MAN1C1: variants seen among roughly 807,000 people sequenced by gnomAD.
MAN1C1 encodes the protein mannosidase alpha class 1C member 1.
Under a neutral mutation model 71.5 loss-of-function variants are expected in MAN1C1, and 49 were observed. That is an observed-to-expected ratio of 0.69 (90% CI 0.54 to 0.87). The LOEUF is 0.87. MAN1C1 is among the 40% of genes least tolerant of loss of function. The probability of loss-of-function intolerance (pLI) is 0.00; values close to 1 mark genes in which losing one functional copy is unlikely to be tolerated. For missense variants in MAN1C1, 743 were observed against 835.0 expected (o/e 0.89, Z 1.36); for synonymous variants, 352 against 343.7 (o/e 1.02, Z -0.27).
intron 2 of MAN1C1, among the ~76,000 whole-genome samples, chr1:25,703,320 G>A (rs1007344532): frequency 6.6e-6 from 1 of 152,224 alleles, no homozygotes; most frequent in African/African-American, 2.4e-5. Flanking sequence ...GGTGGCTGGA[G>A]AACAGCCCTG....
chr1:25,626,277 T>C (rs527495244), intron 1 of MAN1C1, among the ~76,000 whole-genome samples: 1 of 152,382 alleles, frequency 6.6e-6, no homozygotes, highest in South Asian at 2.1e-4. Context: ...AGTGATATTT[T>C]GTTGTGGCTT....
chr1:25,657,158 TCTC>T (rs1303465465), intron 1 of MAN1C1, among the ~76,000 whole-genome samples: 1 of 152,024 alleles, frequency 6.6e-6, no homozygotes, highest in Non-Finnish European at 1.5e-5. Flanking sequence ...AGGGGAAAGG[TCTC>T]CTGCCTGGGG....
intron 3 of MAN1C1, among the ~76,000 whole-genome samples, chr1:25,747,622 C>T (rs1397168373): frequency 6.6e-6 from 1 of 152,128 alleles, no homozygotes; most frequent in Non-Finnish European, 1.5e-5. Flanking sequence ...GACCCTGCCT[C>T]CTTGAGAGAC....
chr1:25,722,242 C>G (rs2046776222), intron 2 of MAN1C1, among the ~76,000 whole-genome samples: 1 of 152,110 alleles, frequency 6.6e-6, no homozygotes, highest in Non-Finnish European at 1.5e-5. Flanking sequence ...AATTTCATGA[C>G]GATATACCTC....
Position 25,678,995 on chromosome 1 carries a change from G to A in MAN1C1, c.541-7445G>A, listed in dbSNP as rs557612730. On this transcript the variant is annotated intron_variant, in intron 1 of 11. Transcript: ENST00000374332. ...GTAGAGAGACAGAGACAAGAAGAGA[G>A]AGAGAGGAGACGAGAGAGAGAGAGA... 3.3e-5 allele frequency among the ~76,000 whole-genome samples: 5 copies of A among 152,228 alleles called. No individual in the cohort carries two copies. The South Asian group carries it at 1.0e-3, about 32-fold the overall frequency.
chr1:25,665,642 A>G (rs1290694919), intron 1 of MAN1C1, among the ~76,000 whole-genome samples: 1 of 151,994 alleles, frequency 6.6e-6, no homozygotes, highest in Non-Finnish European at 1.5e-5. Flanking sequence ...TTTCCCACCT[A>G]AGAAGATCAC....
At chr1:25,716,418 C>T (rs2046681841) in intron 2 of MAN1C1, among the ~76,000 whole-genome samples, 1 of 152,186 alleles carries the variant, frequency 6.6e-6, no homozygotes, top group Non-Finnish European at 1.5e-5. Flanking sequence ...CTGCAACCTC[C>T]ACCTCCCAGG....
At chr1:25,670,098 G>C (rs558089398) in intron 1 of MAN1C1, among the ~76,000 whole-genome samples, 2 of 152,354 alleles carry the variant, frequency 1.3e-5, no homozygotes, top group Admixed American at 1.3e-4. Context: ...CAAGACTCCT[G>C]CCCTCCTGGA....
intron 2 of MAN1C1, among the ~76,000 whole-genome samples, chr1:25,700,197 A>G (rs2046420796): frequency 6.6e-6 from 1 of 152,210 alleles, no homozygotes; most frequent in South Asian, 2.1e-4. Context: ...ATAACTTTGA[A>G]TTCTGGGAAT....
rs576636189 is a variant in MAN1C1, at chr1:25,633,340, AT to A, written c.540+15006del. 1.6e-4 allele frequency among the ~76,000 whole-genome samples: 25 copies of A among 151,992 alleles called. No individual in the cohort carries two copies. In the South Asian group the frequency reaches 1.7e-3, roughly 10 times the overall value. On this transcript the variant is annotated intron_variant, in intron 1 of 11. Transcript: ENST00000374332. ...TTCTAGAGTGTAGTTTAAGTCCATTATTTCTTTGTTGATGTTTTGTCTCAAT... is the reference window on the plus strand; with the variant it reads ...TTCTAGAGTGTAGTTTAAGTCCATTATTCTTTGTTGATGTTTTGTCTCAAT...
Position 25,767,166 on chromosome 1 carries a change from A to C in MAN1C1, c.1141+3199A>C, listed in dbSNP as rs974582428. On this transcript the variant is annotated intron_variant, in intron 7 of 11. Coordinates refer to ENST00000374332, the MANE Select transcript of MAN1C1 (RefSeq NM_020379.4). ...ACCACACTCGTACACACACACACAC[A>C]CCCCTACCACCCCACCCACCCTCCC... Among the ~76,000 whole-genome samples, 29 of 146,842 alleles carry C rather than the reference A, an allele frequency of 2.0e-4. 1 individual carries two copies. In the South Asian group the frequency reaches 3.7e-3, roughly 19 times the overall value.
chr1:25,682,809 G>A (rs1269412289), intron 1 of MAN1C1, among the ~76,000 whole-genome samples: 2 of 152,000 alleles, frequency 1.3e-5, no homozygotes, highest in Non-Finnish European at 2.9e-5. Flanking sequence ...AGGCCGAGGC[G>A]GGCAAATCAC....
chr1:25,700,210 A>T (rs2046420905), intron 2 of MAN1C1, among the ~76,000 whole-genome samples: 2 of 152,182 alleles, frequency 1.3e-5, no homozygotes, highest in South Asian at 4.1e-4. Context: ...CTGGGAATAG[A>T]CCATGTAGGG....
chr1:25,649,142 C>T (rs1338609182), intron 1 of MAN1C1, among the ~76,000 whole-genome samples: 2 of 152,186 alleles, frequency 1.3e-5, no homozygotes, highest in Admixed American at 1.3e-4. Context: ...GAGTTTGCAC[C>T]TAGAAGCTTA....
chr1:25,701,027 C>G (rs903621379), intron 2 of MAN1C1, among the ~76,000 whole-genome samples: 1 of 152,244 alleles, frequency 6.6e-6, no homozygotes, highest in Admixed American at 6.5e-5. Context: ...CTTTTAAAAT[C>G]CGAGGAGAAA....
intron 2 of MAN1C1, among the ~76,000 whole-genome samples, chr1:25,692,864 C>T (rs1485018255): frequency 1.3e-5 from 2 of 152,194 alleles, no homozygotes; most frequent in African/African-American, 4.8e-5. Flanking sequence ...ATTTATTAGA[C>T]ATCAGCTGAG....
chr1:25,639,701 T>G lies in MAN1C1; in HGVS notation c.540+21364T>G, dbSNP rs185430312. On this transcript the variant is annotated intron_variant, in intron 1 of 11. Coordinates refer to ENST00000374332, the MANE Select transcript of MAN1C1 (RefSeq NM_020379.4). ...CCTGAATCAAATGCATGAACTTCAG[T>G]GTACAGGTTTTTGCATAATTTAGAT... Among the ~76,000 whole-genome samples, 31 of 152,338 alleles carry G rather than the reference T, an allele frequency of 2.0e-4. 1 individual carries two copies. In the East Asian group the frequency reaches 5.8e-3, roughly 28 times the overall value.
chr1:25,691,476 C>A (rs1572153016), intron 2 of MAN1C1, among the ~76,000 whole-genome samples: 2 of 152,342 alleles, frequency 1.3e-5, no homozygotes, highest in Middle Eastern at 6.8e-3. Flanking sequence ...ACCGCCTTCA[C>A]AAGATTGTTT....
intron 1 of MAN1C1, among the ~76,000 whole-genome samples, chr1:25,655,953 G>A (rs1218861580): frequency 2.0e-5 from 3 of 151,982 alleles, no homozygotes; most frequent in Non-Finnish European, 4.4e-5. Context: ...GCCCTGGACT[G>A]GGGGTGCTCA....
Sources: allele counts gnomAD v4.1 joint callset (sites outside exome capture counted in the v4.1 genomes callset), GRCh38; gene constraint gnomAD v4.1.1; transcripts MANE v1.5; gene names NCBI Gene and HGNC (gene_info 2026-07-23, HGNC 2026-07-21).